ANO3: variants seen among roughly 807,000 people sequenced by gnomAD.
ANO3 encodes the protein anoctamin-3.
Under a neutral mutation model 144.8 loss-of-function variants are expected in ANO3, and 99 were observed. The observed-to-expected ratio is 0.68, with a 90% CI of 0.58 to 0.81. The LOEUF (loss-of-function observed/expected upper bound fraction) is 0.81. Ranked by LOEUF, ANO3 falls within the 30% of genes least tolerant of loss-of-function variation. ANO3 has a pLI of 0.00. For missense variants in ANO3, 905 were observed against 1,202.2 expected (o/e 0.75, Z 3.66); for synonymous variants, 414 against 392.6 (o/e 1.05, Z -0.64).
intron 1 of ANO3, among the ~76,000 whole-genome samples, chr11:26,253,366 C>A (rs1239122898): frequency 6.6e-6 from 1 of 151,954 alleles, no homozygotes; most frequent in African/African-American, 2.4e-5. Flanking sequence ...AACACATGGA[C>A]ACATAGAGAA....
chr11:26,438,197 C>G (rs2134018269), intron 1 of ANO3, among the ~76,000 whole-genome samples: 1 of 151,982 alleles, frequency 6.6e-6, no homozygotes, highest in East Asian at 1.9e-4. Context: ...TTTACAATAG[C>G]CAAAAGAGAG....
chr11:26,654,966 G>A (rs4514365), intron 24 of ANO3, among the ~76,000 whole-genome samples: 77,850 of 151,882 alleles, frequency 0.51, 20,976 homozygotes, highest in South Asian at 0.71. Flanking sequence ...TTCATTTGTG[G>A]TCTATAGAAA....
intron 1 of ANO3, among the ~76,000 whole-genome samples, chr11:26,263,181 C>G (rs1471208821): frequency 1.3e-5 from 2 of 152,122 alleles, no homozygotes; most frequent in Non-Finnish European, 2.9e-5. Flanking sequence ...AAATTATAGT[C>G]ACATGAAAAT....
chr11:26,515,326 T>G (rs1050893809), intron 5 of ANO3, among the ~76,000 whole-genome samples: 1 of 107,980 alleles, frequency 9.3e-6, no homozygotes, highest in African/African-American at 3.3e-5. Context: ...TCAGCATACT[T>G]TATCTCCTGC....
At chr11:26,583,275 T>C (rs189587082) in intron 14 of ANO3, among the ~76,000 whole-genome samples, 1 of 152,232 alleles carries the variant, frequency 6.6e-6, no homozygotes, top group Non-Finnish European at 1.5e-5. Flanking sequence ...ATGTCAAGTC[T>C]GATTTCAGAA....
At chr11:26,504,881 G>A (rs139044737) in intron 4 of ANO3, among the ~76,000 whole-genome samples, 3,381 of 151,928 alleles carry the variant, frequency 0.022, 61 homozygotes, top group Non-Finnish European at 0.036. Flanking sequence ...GCGTGGTGGC[G>A]GGCGCCTGTA....
intron 1 of ANO3, among the ~76,000 whole-genome samples, chr11:26,265,836 A>G (rs1186041682): frequency 3.3e-5 from 5 of 152,204 alleles, no homozygotes; most frequent in Non-Finnish European, 7.3e-5. Context: ...AGCAAAATGC[A>G]CGACAAAGTA....
intron 1 of ANO3, among the ~76,000 whole-genome samples, chr11:26,223,814 G>T (rs1393705608): frequency 6.6e-6 from 1 of 151,848 alleles, no homozygotes; most frequent in Non-Finnish European, 1.5e-5. Flanking sequence ...GAGTGGAGAG[G>T]CGCCACATTC....
At chr11:26,594,135 A>G (rs1409773118) in intron 14 of ANO3, among the ~76,000 whole-genome samples, 1 of 152,162 alleles carries the variant, frequency 6.6e-6, no homozygotes, top group African/African-American at 2.4e-5. Context: ...GTTATAGTGG[A>G]CATCATTGAA....
At chr11:26,370,811 T>A (rs932054272) in intron 1 of ANO3, among the ~76,000 whole-genome samples, 1 of 152,164 alleles carries the variant, frequency 6.6e-6, no homozygotes, top group Non-Finnish European at 1.5e-5. Flanking sequence ...TGCCTAGAGA[T>A]CTGTGAAACT....
intron 1 of ANO3, among the ~76,000 whole-genome samples, chr11:26,384,547 A>C (rs1430760783): frequency 6.6e-6 from 1 of 152,202 alleles, no homozygotes; most frequent in Non-Finnish European, 1.5e-5. Context: ...TAAGTGCTCA[A>C]GGCCCAATTC....
At chr11:26,189,013 C>A in exon 1 of ANO3, 1 of 176,698 alleles carries the variant, frequency 5.7e-6, no homozygotes, top group Non-Finnish European at 1.1e-5. Context: ...CTCTTAGAGT[C>A]AGCTCTGCAT....
At chr11:26,607,653 G>T (rs1415798274) in intron 17 of ANO3, among the ~76,000 whole-genome samples, 1 of 152,150 alleles carries the variant, frequency 6.6e-6, no homozygotes, top group Non-Finnish European at 1.5e-5. Context: ...ACGTCTCTTT[G>T]TAGGTCTCTA....
chr11:26,510,044 G>A (rs886574202), intron 5 of ANO3, among the ~76,000 whole-genome samples: 8 of 148,498 alleles, frequency 5.4e-5, no homozygotes, highest in Admixed American at 1.4e-4. Flanking sequence ...TGAGGCAGGA[G>A]AATCACTTGA....
At chr11:26,306,476 G>T (rs892157975), upstream of ANO3, among the ~76,000 whole-genome samples, 2 of 151,790 alleles carry the variant, frequency 1.3e-5, no homozygotes, top group Non-Finnish European at 2.9e-5. Context: ...ACCAGCCTGG[G>T]CAATATAGGG....
chr11:26,599,680 G>A lies in ANO3; in HGVS notation c.1802G>A (p.Cys601Tyr). 6.2e-7 allele frequency: 1 copy of A among 1,613,970 alleles called. No homozygotes were observed. Among genetic ancestry groups the A allele is most frequent in the East Asian group, 2.2e-5 (1 of 44,864 alleles). ...TTTGCAACATCTGCTGCTGCTGTCT[G>A]TATCAATTTCATAATCATTATGTTG... is the stretch of plus-strand genomic sequence containing the variant. ...WQFATSAAAV[C>Y]INFIIIMLLN... Residue 601 changes from cysteine (C) to tyrosine (Y), a missense_variant, in exon 17 of 27, where the codon TGT (cysteine) becomes TAT (tyrosine). Around this residue, in one of 4 missense-constraint regions of ANO3, gnomAD observed 597 missense variants for 865.1 expected, o/e 0.69. Coordinates refer to ENST00000256737, the MANE Select transcript of ANO3 (RefSeq NM_031418.4).
Position 26,463,295 on chromosome 11 carries a change from GT to G in ANO3, c.432+149del, listed in dbSNP as rs1196233337. The G allele has an allele frequency of 8.9e-6, 4 of 449,240 alleles. No individual in the cohort carries two copies. In the Admixed American group the frequency reaches 1.3e-4, roughly 14 times the overall value. 27.8% of individuals were successfully genotyped at this position (449,240 alleles called of 1,614,324 possible). Reference sequence around the variant, plus strand: ...ACTATTAAGAACTCAGAAGCAAAAAGTTGTATATAGAGTTGATATTCATATT... The same window carrying G: ...ACTATTAAGAACTCAGAAGCAAAAAGTGTATATAGAGTTGATATTCATATT... On this transcript the variant is annotated intron_variant, in intron 4 of 26. Coordinates refer to ENST00000256737, the MANE Select transcript of ANO3 (RefSeq NM_031418.4).
chr11:26,618,819 C>G (rs12278895), intron 17 of ANO3, among the ~76,000 whole-genome samples: 2,526 of 152,268 alleles, frequency 0.017, 70 homozygotes, highest in African/African-American at 0.057. Flanking sequence ...CTTAATTTGT[C>G]TCCTTGGTGA....
chr11:26,268,546 T>A (rs1418862549), intron 1 of ANO3, among the ~76,000 whole-genome samples: 1 of 152,160 alleles, frequency 6.6e-6, no homozygotes, highest in African/African-American at 2.4e-5. Context: ...CAAAAGTATC[T>A]TCTGAAGGGG....
Sources: allele counts gnomAD v4.1 joint callset (sites outside exome capture counted in the v4.1 genomes callset), GRCh38; gene constraint gnomAD v4.1.1; regional missense constraint gnomAD v4.1.1; transcripts MANE v1.5; gene names NCBI Gene and HGNC (gene_info 2026-07-23, HGNC 2026-07-21).